ALDH7A1: variants seen among roughly 807,000 people sequenced by gnomAD.
The protein encoded by ALDH7A1 is alpha-aminoadipic semialdehyde dehydrogenase.
ALDH7A1 carries 63 observed loss-of-function variants against 79.9 expected under a neutral mutation model. That is an observed-to-expected ratio of 0.79 (90% confidence interval 0.64 to 0.97). The LOEUF (loss-of-function observed/expected upper bound fraction) is 0.97. ALDH7A1 is among the 50% of genes least tolerant of loss of function. The pLI, the probability that ALDH7A1 is intolerant of heterozygous loss-of-function variation, is 0.00. For missense variants in ALDH7A1, 627 were observed against 665.2 expected, an observed-to-expected ratio of 0.94 and a Z score of 0.63; for synonymous variants, 240 against 231.2, an observed-to-expected ratio of 1.04 and a Z score of -0.34.
chr5:126,576,366 T>TA (rs770359765), intron 6 of ALDH7A1, among the ~76,000 whole-genome samples: 29 of 152,216 alleles, frequency 1.9e-4, no homozygotes, highest in Admixed American at 1.4e-3. Flanking sequence ...ATTTTACAGT[T>TA]AGTTTTTGAA....
intron 16 of ALDH7A1, 87 bp from the exon 17 acceptor site, chr5:126,546,486 G>T (rs1176130109): frequency 1.7e-6 from 2 of 1,198,426 alleles, no homozygotes; most frequent in African/African-American, 1.5e-5. Flanking sequence ...GATACCAAAA[G>T]GACACCAGAA....
In ALDH7A1 at chr5:126,558,712, G is replaced by A. The variant is rs187645880; in HGVS notation, c.1008+528C>T. Among the ~76,000 whole-genome samples the A allele has an allele frequency of 4.4e-3, 671 of 152,032 alleles. 3 individuals carry two copies. The highest frequency in any genetic ancestry group is 0.016 in the African/African-American group (646 of 41,456). On this transcript the variant is annotated intron_variant, in intron 11 of 17. Coordinates refer to ENST00000409134, the MANE Select transcript of ALDH7A1 (RefSeq NM_001182.5). ...CTAATTTTTTTTAACTTTTTATAAA[G>A]ACAGGGAATCACTTTGTTGCCCAGG...
intron 13 of ALDH7A1, among the ~76,000 whole-genome samples, chr5:126,552,722 G>A (rs894955179): frequency 6.6e-6 from 1 of 151,712 alleles, no homozygotes; most frequent in African/African-American, 2.4e-5. Flanking sequence ...TATGTGGGGG[G>A]TTTTTTGTTT....
At chr5:126,545,187 G>A (rs564891046) in intron 17 of ALDH7A1, among the ~76,000 whole-genome samples, 168 bp from the exon 18 acceptor site, 35 of 152,200 alleles carry the variant, frequency 2.3e-4, no homozygotes, top group Middle Eastern at 3.4e-3. Flanking sequence ...TATGGATCCC[G>A]TTTTATTTAA....
intron 7 of ALDH7A1, among the ~76,000 whole-genome samples, chr5:126,571,461 G>A (rs1182811472): frequency 2.1e-5 from 3 of 143,180 alleles, no homozygotes; most frequent in Non-Finnish European, 4.5e-5. Flanking sequence ...TGGAAGACAG[G>A]GAGACTGTAT....
chr5:126,565,812 C>G (rs116138389), intron 9 of ALDH7A1, among the ~76,000 whole-genome samples: 258 of 152,294 alleles, frequency 1.7e-3, no homozygotes, highest in African/African-American at 6.0e-3. Flanking sequence ...GTATAGATAG[C>G]TACTTGTGTC....
In ALDH7A1 at chr5:126,575,323, C is replaced by A. The variant is rs900026236; in HGVS notation, c.695+97G>T. Reference sequence around the variant, plus strand: ...AGAAAGAGGTTATCCAAATTCCATGCTATGTGACTCTGACATCAGATTAAA... The same window carrying A: ...AGAAAGAGGTTATCCAAATTCCATGATATGTGACTCTGACATCAGATTAAA... On this transcript the variant is annotated intron_variant, in intron 7 of 17. Transcript: ENST00000409134. 10 of 1,139,880 alleles carry A rather than the reference C, an allele frequency of 8.8e-6. No homozygotes were observed. The East Asian group carries it at 2.2e-4, about 25-fold the overall frequency. The allele number at this position is 1,139,880 out of a possible 1,614,324, so 70.6% of individuals were successfully genotyped here.
intron 14 of ALDH7A1, among the ~76,000 whole-genome samples, chr5:126,551,740 TACAC>T (rs1750007145): frequency 6.6e-6 from 1 of 152,150 alleles, no homozygotes; most frequent in Non-Finnish European, 1.5e-5. Flanking sequence ...CTCTATGGCC[TACAC>T]AGCCCAGGAT....
At chr5:126,592,862 T>C in intron 2 of ALDH7A1, 133 bp from the exon 3 acceptor site, 1 of 887,382 alleles carries the variant, frequency 1.1e-6, no homozygotes, top group Middle Eastern at 3.2e-4. Flanking sequence ...CTGAGAATGA[T>C]TCCCACAGTC....
In ALDH7A1 at chr5:126,556,239, C is replaced by CT. The variant is rs35367836; in HGVS notation, c.1009-225dup. Among the ~76,000 whole-genome samples the CT allele has an allele frequency of 0.16, 15,233 of 97,320 alleles. 2,549 individuals are homozygous for CT. Among genetic ancestry groups the CT allele is most frequent in the East Asian group, 0.48 (1,448 of 3,048 alleles). 63.8% of individuals were successfully genotyped at this position (97,320 alleles called of 152,430 possible). A position where few individuals can be genotyped will look rare whatever the true frequency, so the allele number is the denominator to read the frequency against. On this transcript the variant is annotated intron_variant, in intron 11 of 17. Coordinates refer to ENST00000409134, the MANE Select transcript of ALDH7A1 (RefSeq NM_001182.5). ...AATAGAATAAAATCATAAGCCATGT[C>CT]TTTTTTTTTTTTTTTTTTTTTGAGA... is the stretch of plus-strand genomic sequence containing the variant.
chr5:126,560,623 G>A (rs1323563081), intron 10 of ALDH7A1, among the ~76,000 whole-genome samples: 2 of 145,936 alleles, frequency 1.4e-5, no homozygotes, highest in African/African-American at 5.1e-5. Flanking sequence ...AAGCCTATAG[G>A]TAAGTGATTT....
chr5:126,548,420 A>G (rs1749871763), intron 16 of ALDH7A1, among the ~76,000 whole-genome samples: 1 of 104,776 alleles, frequency 9.5e-6, no homozygotes. Context: ...GCCCAGCCCA[A>G]AACTTTTTTT....
chr5:126,547,090 A>AGC (rs1230105613), intron 16 of ALDH7A1, among the ~76,000 whole-genome samples: 2 of 152,230 alleles, frequency 1.3e-5, no homozygotes, highest in African/African-American at 4.8e-5. Flanking sequence ...CACAGCTAAC[A>AGC]GCGCCTCTGA....
chr5:126,576,882 G>A (rs1294722818), intron 6 of ALDH7A1, among the ~76,000 whole-genome samples, 197 bp downstream of exon 6: 4 of 152,046 alleles, frequency 2.6e-5, no homozygotes, highest in East Asian at 1.9e-4. Context: ...AGCTGAGTTC[G>A]CACCATTACA....
Position 126,583,952 on chromosome 5 carries a change from T to A in ALDH7A1, c.373A>T (p.Ile125Phe). 6.2e-7 allele frequency: 1 copy of A among 1,614,134 alleles called. No individual in the cohort carries two copies. The highest frequency in any genetic ancestry group is 1.1e-5 in the South Asian group (1 of 91,084). Residue 125 changes from isoleucine to phenylalanine, a missense_variant, in exon 4 of 18, where the codon ATC (isoleucine) becomes TTC (phenylalanine). Transcript: ENST00000409134. ...TTTACCAAGCTTCCTAGTACTTGGA[T>A]CTTCTCCCGCAAGGCATCGCCAATC... ...RQIGDALREK[I>F]QVLGSLVSLE...
At chr5:126,568,541 T>G in intron 8 of ALDH7A1, 185 bp from the exon 9 acceptor site, 1 of 619,502 alleles carries the variant, frequency 1.6e-6, no homozygotes, top group Non-Finnish European at 2.9e-6. Flanking sequence ...GTAGAACCAT[T>G]AGGCAGAAGA....
intron 9 of ALDH7A1, among the ~76,000 whole-genome samples, chr5:126,566,365 T>C (rs1217349998): frequency 6.6e-6 from 1 of 152,220 alleles, no homozygotes; most frequent in African/African-American, 2.4e-5. Flanking sequence ...GTTTTCTGGA[T>C]TTCATTTTTG....
Position 126,594,901 on chromosome 5 carries a change from T to C in ALDH7A1, c.192+106A>G, listed in dbSNP as rs1256458384. The C allele has an allele frequency of 3.5e-6, 5 of 1,442,880 alleles. No individual in the cohort carries two copies. In the Admixed American group the frequency reaches 9.9e-5, roughly 29 times the overall value. The allele number at this position is 1,442,880 out of a possible 1,614,324, so 89.4% of individuals were successfully genotyped here. On this transcript the variant is annotated intron_variant, in intron 1 of 17. Coordinates refer to ENST00000409134, the MANE Select transcript of ALDH7A1 (RefSeq NM_001182.5). ...TACTGTGGAGCTTCAAAATCTCCCA[T>C]GCTACTACCGCATCCAGCGCCAGCG...
At chr5:126,562,555 T>C (rs537297708) in intron 9 of ALDH7A1, 3 of 151,822 alleles carry the variant, frequency 2.0e-5, no homozygotes, top group Admixed American at 1.3e-4. Context: ...TGCTACACGA[T>C]AGTTGTACGT....
Sources: gnomAD v4.1 joint callset for allele counts (sites outside exome capture counted in the v4.1 genomes callset) on GRCh38, gnomAD v4.1.1 for gene constraint, MANE v1.5 for transcripts, NCBI Gene and HGNC (gene_info 2026-07-23, HGNC 2026-07-21) for gene names.